The following RAB10 variants were observed in gnomAD, a reference collection of about 807,000 sequenced individuals.
The protein encoded by RAB10 is RAB10, member RAS oncogene family.
RAB10 carries 5 observed loss-of-function variants against 25.7 expected under a neutral mutation model. The ratio of observed to expected loss-of-function variants is 0.19; its 90% CI spans 0.10 to 0.41. The LOEUF (loss-of-function observed/expected upper bound fraction) is 0.41. RAB10 is among the 10% of genes least tolerant of loss of function. The pLI is 1.00. For synonymous variants in RAB10, 89 were observed against 86.4 expected, an observed-to-expected ratio of 1.03 and a Z score of -0.16; for missense variants, 103 against 245.8, an observed-to-expected ratio of 0.42 and a Z score of 3.89.
intron 1 of RAB10, among the ~76,000 whole-genome samples, chr2:26,061,057 C>A (rs1434298314): frequency 7.1e-6 from 1 of 140,184 alleles, no homozygotes; most frequent in Non-Finnish European, 1.5e-5. Flanking sequence ...AGAGCTGATA[C>A]TCAGTTGAAA....
intron 1 of RAB10, among the ~76,000 whole-genome samples, chr2:26,075,182 T>C (rs2149271723): frequency 6.6e-6 from 1 of 152,332 alleles, no homozygotes; most frequent in South Asian, 2.1e-4. Context: ...AGGTAAAATA[T>C]AGGTAAGGAA....
At chr2:26,073,383 CGTT>C (rs1382028142) in intron 1 of RAB10, among the ~76,000 whole-genome samples, 1 of 152,276 alleles carries the variant, frequency 6.6e-6, no homozygotes, top group Admixed American at 6.5e-5. Context: ...GAACTGTTCT[CGTT>C]GTTACTACTG....
rs967429452 is a variant in RAB10 at position 26,112,807 on chromosome 2, G to A, written c.327+2901G>A. Among the ~76,000 whole-genome samples the A allele has an allele frequency of 3.9e-5, 6 of 152,152 alleles. No individual in the cohort carries two copies. The South Asian group carries it at 6.2e-4, about 16-fold the overall frequency. ...TTTAAAAAGAAAATCTTGGCCAGGC[G>A]CAGTGGCTCATGCCTGTAATCCCAG... On this transcript the variant is annotated intron_variant, in intron 3 of 5. Coordinates refer to ENST00000264710, the MANE Select transcript of RAB10 (RefSeq NM_016131.5).
At chr2:26,109,058 C>G (rs184559194) in intron 2 of RAB10, among the ~76,000 whole-genome samples, 198 of 151,848 alleles carry the variant, frequency 1.3e-3, no homozygotes, top group African/African-American at 4.6e-3. Context: ...ATTACAGGCA[C>G]GTGCCACCAT....
intron 1 of RAB10, among the ~76,000 whole-genome samples, chr2:26,043,563 A>C (rs1236893863): frequency 1.3e-5 from 2 of 152,248 alleles, no homozygotes; most frequent in African/African-American, 2.4e-5. Flanking sequence ...TGGTATACAC[A>C]TAGAATGGAA....
chr2:26,115,556 C>A (rs893940187), intron 3 of RAB10, among the ~76,000 whole-genome samples: 3 of 152,016 alleles, frequency 2.0e-5, no homozygotes, highest in African/African-American at 7.3e-5. Flanking sequence ...AAAGTAGATT[C>A]ATGATTGCCA....
chr2:26,050,002 A>G lies in RAB10; in HGVS notation c.127+15267A>G, dbSNP rs545980782. Among the ~76,000 whole-genome samples, 20 of 152,288 alleles carry G rather than the reference A, an allele frequency of 1.3e-4. No individual in the cohort carries two copies. In the South Asian group the frequency reaches 4.1e-3, roughly 32 times the overall value. On this transcript the variant is annotated intron_variant, in intron 1 of 5. Transcript: ENST00000264710. ...TAGATACTTTCTCTGTCCTGCTTCA[A>G]TAATGGACTGGTTATTAATTATGCC...
intron 3 of RAB10, among the ~76,000 whole-genome samples, chr2:26,111,288 A>T (rs1667564144): frequency 6.6e-6 from 1 of 152,150 alleles, no homozygotes; most frequent in African/African-American, 2.4e-5. Context: ...GAAGCTTATT[A>T]TTTTTTAATA....
chr2:26,136,129 G>A lies in RAB10; in HGVS notation c.*1108G>A, dbSNP rs992342060. On this transcript the variant is annotated 3_prime_UTR_variant, in exon 6 of 6. Coordinates refer to ENST00000264710, the MANE Select transcript of RAB10 (RefSeq NM_016131.5). ...CATGCACTAGTGTTTGGAGGGTGTT[G>A]TGGTTTGTCTTTCTAATTAGGTGTA... 1 of 152,648 alleles carries A rather than the reference G, an allele frequency of 6.6e-6. No individual in the cohort carries two copies. Among genetic ancestry groups the A allele is most frequent in the East Asian group, 1.9e-4 (1 of 5,200 alleles). 9.5% of individuals were successfully genotyped at this position (152,648 alleles called of 1,614,324 possible). A position where few individuals can be genotyped will look rare whatever the true frequency, so the allele number is the denominator to read the frequency against.
intron 1 of RAB10, among the ~76,000 whole-genome samples, chr2:26,077,548 T>C (rs1392967559): frequency 2.6e-5 from 4 of 152,262 alleles, no homozygotes; most frequent in African/African-American, 9.6e-5. Flanking sequence ...TTATGATACA[T>C]TACTGTGTAA....
At chr2:26,054,128 A>G (rs1666197443) in intron 1 of RAB10, among the ~76,000 whole-genome samples, 1 of 142,360 alleles carries the variant, frequency 7.0e-6, no homozygotes, top group Non-Finnish European at 1.5e-5. Flanking sequence ...GCTCACTGCA[A>G]CCTCTGCCTC....
In RAB10 at chr2:26,034,421, A is replaced by G. The variant is rs1665717981; in HGVS notation, c.-188A>G. On this transcript the variant is annotated 5_prime_UTR_variant, in exon 1 of 6. Transcript: ENST00000264710. ...GCGGAGCCGCGGTCGCCGCCCTCGG[A>G]GGCACTGGACGCCGCCACTGTCGGG... The G allele has an allele frequency of 2.8e-6, 2 of 719,730 alleles. No homozygotes were observed. The highest frequency in any genetic ancestry group is 5.9e-5 in the Admixed American group (2 of 34,018). 44.6% of individuals were successfully genotyped at this position (719,730 alleles called of 1,614,324 possible).
At chr2:26,052,863 T>C (rs982570731) in intron 1 of RAB10, among the ~76,000 whole-genome samples, 2 of 152,182 alleles carry the variant, frequency 1.3e-5, no homozygotes, top group Non-Finnish European at 2.9e-5. Flanking sequence ...AAGCTATGTG[T>C]TGGGGTGTCC....
At chr2:26,132,036 C>T (rs1007152127) in intron 5 of RAB10, among the ~76,000 whole-genome samples, 6 of 152,250 alleles carry the variant, frequency 3.9e-5, no homozygotes, top group African/African-American at 1.4e-4. Context: ...GGCCAAAGAG[C>T]GTACATGTAT....
Position 26,108,287 on chromosome 2 carries a change from A to G in RAB10, c.189-1481A>G, listed in dbSNP as rs1667505717. ...TGGGTGAATAATTAAGCAAATTGTG[A>G]TACAGACATACCATAGAATGCTACC... On this transcript the variant is annotated intron_variant, in intron 2 of 5. Coordinates refer to ENST00000264710, the MANE Select transcript of RAB10 (RefSeq NM_016131.5). 2.0e-5 allele frequency among the ~76,000 whole-genome samples: 3 copies of G among 152,356 alleles called. No individual in the cohort carries two copies. The South Asian group carries it at 6.2e-4, about 32-fold the overall frequency.
chr2:26,127,112 G>A (rs749071468), intron 3 of RAB10, 32 bp from the exon 4 acceptor site: 21 of 1,464,258 alleles, frequency 1.4e-5, no homozygotes, highest in Admixed American at 2.0e-5. Flanking sequence ...ATTCATGGTA[G>A]TATGTAAAAG....
intron 1 of RAB10, among the ~76,000 whole-genome samples, chr2:26,074,778 C>T (rs1422152759): frequency 2.6e-5 from 4 of 152,178 alleles, no homozygotes; most frequent in African/African-American, 7.2e-5. Context: ...GATCTGGAGT[C>T]GAACTCATGT....
At chr2:26,125,843 G>A (rs72858266) in intron 3 of RAB10, among the ~76,000 whole-genome samples, 239 of 151,928 alleles carry the variant, frequency 1.6e-3, no homozygotes, top group African/African-American at 5.5e-3. Flanking sequence ...TCTTGATAGC[G>A]TCCTTTGTTG....
intron 1 of RAB10, among the ~76,000 whole-genome samples, chr2:26,098,346 C>T (rs1667272375): frequency 6.6e-6 from 1 of 152,084 alleles, no homozygotes; most frequent in South Asian, 2.1e-4. Flanking sequence ...ACCATGTGCC[C>T]AGGCTGGTCT....
Sources: gnomAD v4.1 joint callset for allele counts (sites outside exome capture counted in the v4.1 genomes callset) on GRCh38, gnomAD v4.1.1 for gene constraint, MANE v1.5 for transcripts, NCBI Gene and HGNC (gene_info 2026-07-23, HGNC 2026-07-21) for gene names.